Variants in ZC3H12B observed in about 807,000 individuals in gnomAD.
The protein encoded by ZC3H12B is zinc finger CCCH-type containing 12B.
A neutral mutation model predicts 43.9 loss-of-function variants in ZC3H12B; 7 were observed. The ratio of observed to expected loss-of-function variants is 0.16; its 90% CI spans 0.09 to 0.30. The LOEUF (loss-of-function observed/expected upper bound fraction) is 0.30. Ranked by LOEUF, ZC3H12B falls within the 10% of genes least tolerant of loss-of-function variation. The probability of loss-of-function intolerance (pLI) is 1.00; values close to 1 mark genes in which losing one functional copy is unlikely to be tolerated. For missense variants in ZC3H12B, 475 were observed against 670.2 expected (o/e 0.71, Z 3.22); for synonymous variants, 222 against 241.7 (o/e 0.92, Z 0.76).
the ZC3H12B span, among the ~76,000 whole-genome samples, chrX:65,165,605 TC>T: frequency 8.9e-6 from 1 of 112,354 alleles, no homozygotes; most frequent in Admixed American, 9.5e-5. Context: ...TTCATCCATC[TC>T]CCTACAAATG....
intron 3 of ZC3H12B, among the ~76,000 whole-genome samples, chrX:65,428,931 G>A (rs1410807236): frequency 2.7e-5 from 3 of 112,166 alleles, no homozygotes; most frequent in Non-Finnish European, 5.6e-5. Flanking sequence ...GGGGTTTTGG[G>A]CAGTCTTTTT....
At chrX:65,254,182 C>A in the ZC3H12B span, among the ~76,000 whole-genome samples, 59 of 112,316 alleles carry the variant, frequency 5.3e-4, no homozygotes, top group African/African-American at 1.8e-3. Flanking sequence ...TGCACAGACA[C>A]CAGTGGCCCC....
the ZC3H12B span, among the ~76,000 whole-genome samples, chrX:65,263,414 C>A: frequency 9.1e-6 from 1 of 109,892 alleles, no homozygotes; most frequent in East Asian, 2.8e-4. Flanking sequence ...AGTGTGCAGG[C>A]AAAAGAGCAT....
At chrX:65,070,647 A>G in the ZC3H12B span, among the ~76,000 whole-genome samples, 220 of 110,333 alleles carry the variant, frequency 2.0e-3, 1 homozygote, top group African/African-American at 6.8e-3. Context: ...TGTTCTCATC[A>G]GTTTCAAAGA....
the ZC3H12B span, among the ~76,000 whole-genome samples, chrX:65,150,947 T>A: frequency 8.9e-6 from 1 of 111,955 alleles, no homozygotes; most frequent in East Asian, 2.8e-4. Flanking sequence ...CAATCCCATT[T>A]TATTATGAGG....
At chrX:65,102,789 A>T in the ZC3H12B span, among the ~76,000 whole-genome samples, 1 of 111,315 alleles carries the variant, frequency 9.0e-6, no homozygotes, top group African/African-American at 3.3e-5. Flanking sequence ...AAAAGAGAGA[A>T]ATTTTAAAGC....
In ZC3H12B at chrX:65,452,628, G is replaced by T. The variant is rs977991571; in HGVS notation, n.408-36018G>T. On this transcript the variant is annotated intron_variant and non_coding_transcript_variant, in intron 3 of 5. Coordinates refer to the ZC3H12B transcript ENST00000617377. ...GGCCGAGGTGGGTGGATCAACTGAGGTCAGGAATTCAAGACCAGCCTGGCC... is the reference window on the plus strand; with the variant it reads ...GGCCGAGGTGGGTGGATCAACTGAGTTCAGGAATTCAAGACCAGCCTGGCC... Among the ~76,000 whole-genome samples, 3 of 111,464 alleles carry T rather than the reference G, an allele frequency of 2.7e-5. No homozygotes were observed. The Admixed American group carries it at 2.9e-4, about 11-fold the overall frequency.
chrX:65,140,563 ATTC>A, the ZC3H12B span, among the ~76,000 whole-genome samples: 2 of 111,093 alleles, frequency 1.8e-5, no homozygotes, highest in South Asian at 7.5e-4. Flanking sequence ...TTTCTTTTCT[ATTC>A]TTTTCTTCTG....
the ZC3H12B span, among the ~76,000 whole-genome samples, chrX:65,175,798 C>T: frequency 1.1e-4 from 12 of 112,062 alleles, no homozygotes; most frequent in Non-Finnish European, 1.5e-4. Flanking sequence ...TTGGGAAACT[C>T]CCTCTCCTAG....
At chrX:65,391,272 G>A (rs909747238) in intron 2 of ZC3H12B, among the ~76,000 whole-genome samples, 1 of 111,280 alleles carries the variant, frequency 9.0e-6, no homozygotes, top group Non-Finnish European at 1.9e-5. Context: ...ATATACTGTG[G>A]GAAAAAAGAT....
intron 2 of ZC3H12B, among the ~76,000 whole-genome samples, chrX:65,378,329 G>A (rs1482076843): frequency 9.0e-6 from 1 of 111,488 alleles, no homozygotes; most frequent in Admixed American, 9.5e-5. Flanking sequence ...AATTTAAGGT[G>A]TAGAGTGTTT....
At chrX:65,127,783 A>G in the ZC3H12B span, among the ~76,000 whole-genome samples, 1 of 110,793 alleles carries the variant, frequency 9.0e-6, no homozygotes, top group Non-Finnish European at 1.9e-5. Context: ...GCTAAGTCAT[A>G]CAGTTGTCAG....
At chrX:65,405,399 C>A (rs1339154085) in intron 3 of ZC3H12B, among the ~76,000 whole-genome samples, 1 of 112,198 alleles carries the variant, frequency 8.9e-6, no homozygotes, top group Non-Finnish European at 1.9e-5. Context: ...GCAGGCGGAT[C>A]AATTCAAGTC....
At chrX:65,309,820 C>T in the ZC3H12B span, among the ~76,000 whole-genome samples, 128 of 112,047 alleles carry the variant, frequency 1.1e-3, 2 homozygotes, top group African/African-American at 4.0e-3. Flanking sequence ...TCGACTTCAT[C>T]CCTGGGATAC....
chrX:65,094,689 T>A, the ZC3H12B span, among the ~76,000 whole-genome samples: 6 of 112,502 alleles, frequency 5.3e-5, no homozygotes, highest in African/African-American at 1.9e-4. Context: ...ACAGTAAAAT[T>A]AAAAAGTCAG....
chrX:65,188,436 G>A, the ZC3H12B span, among the ~76,000 whole-genome samples: 3 of 102,277 alleles, frequency 2.9e-5, no homozygotes, highest in Non-Finnish European at 5.9e-5. Flanking sequence ...CTCACTAACA[G>A]TGTACAACGT....
the ZC3H12B span, among the ~76,000 whole-genome samples, chrX:65,193,032 A>G: frequency 9.1e-6 from 1 of 109,892 alleles, no homozygotes; most frequent in African/African-American, 3.3e-5. Flanking sequence ...TCAGCCTCCC[A>G]ATGTGCTGGG....
At chrX:65,475,434 TG>T (rs2067979654) in intron 3 of ZC3H12B, among the ~76,000 whole-genome samples, 2 of 110,400 alleles carry the variant, frequency 1.8e-5, no homozygotes, top group South Asian at 7.6e-4. Flanking sequence ...TATTCTTTGA[TG>T]GCAGTTTTTT....
the ZC3H12B span, among the ~76,000 whole-genome samples, chrX:65,100,579 A>C: frequency 2.0e-5 from 2 of 100,501 alleles, 1 homozygote; most frequent in East Asian, 6.5e-4. Flanking sequence ...AAAAAAAAAA[A>C]AAAAAAAAAA....
Sources: gnomAD v4.1 joint callset for allele counts (sites outside exome capture counted in the v4.1 genomes callset) on GRCh38, gnomAD v4.1.1 for gene constraint, MANE v1.5 for transcripts, NCBI Gene and HGNC (gene_info 2026-07-23, HGNC 2026-07-21) for gene names.